The following PACS1 variants were observed in gnomAD, a reference collection of about 807,000 sequenced individuals.
PACS1 encodes PACS-1.
A neutral mutation model predicts 115.0 loss-of-function variants in PACS1; 24 were observed. The ratio of observed to expected loss-of-function variants is 0.21; its 90% CI spans 0.15 to 0.29. PACS1 has a LOEUF of 0.29. PACS1 is among the 10% of genes least tolerant of loss of function. PACS1 has a pLI of 1.00. For missense variants in PACS1, 838 were observed against 1,251.2 expected, an observed-to-expected ratio of 0.67 and a Z score of 4.98; for synonymous variants, 453 against 504.5, an observed-to-expected ratio of 0.90 and a Z score of 1.37.
Position 66,235,520 on chromosome 11 carries a change from C to T in PACS1, c.2207+117C>T. On this transcript the variant is annotated intron_variant, in intron 18 of 23. Transcript: ENST00000320580. This position sits in a 1 kb window ranked among gnomAD's most constrained non-coding sequence, Gnocchi z 5.6. Reference sequence around the variant, plus strand: ...ACATGCTATATTCCTTCATAGGAACCCAAAAGGATATGAGTGGTTTTTACC... The same window carrying T: ...ACATGCTATATTCCTTCATAGGAACTCAAAAGGATATGAGTGGTTTTTACC... The T allele has an allele frequency of 1.3e-6, 1 of 775,614 alleles. No individual in the cohort carries two copies. The highest frequency in any genetic ancestry group is 2.4e-5 in the Admixed American group (1 of 42,318). The allele number at this position is 775,614 out of a possible 1,614,324, so 48.0% of individuals were successfully genotyped here.
At chr11:66,110,948 C>G (rs3825067) in intron 1 of PACS1, among the ~76,000 whole-genome samples, 8 of 152,208 alleles carry the variant, frequency 5.3e-5, no homozygotes, top group Non-Finnish European at 1.0e-4. Context: ...TAAAATTGAT[C>G]TCGGAGTCAC....
At chr11:66,202,519 T>C (rs1054715755) in intron 2 of PACS1, among the ~76,000 whole-genome samples, 2 of 151,732 alleles carry the variant, frequency 1.3e-5, no homozygotes, top group Admixed American at 1.3e-4. Context: ...GCAAGGATGG[T>C]TCAGCATACA....
intron 4 of PACS1, 117 bp from the exon 5 acceptor site, chr11:66,216,002 A>G: frequency 1.3e-6 from 1 of 764,452 alleles, no homozygotes; most frequent in Non-Finnish European, 2.1e-6. Flanking sequence ...ATTTGAAAGT[A>G]AGGAAGAAAA....
At chr11:66,116,195 A>G (rs1212965820) in intron 1 of PACS1, among the ~76,000 whole-genome samples, 5 of 152,216 alleles carry the variant, frequency 3.3e-5, no homozygotes. Flanking sequence ...TAAGCAAAGC[A>G]GCTAAAGCTC....
At chr11:66,121,644 A>G (rs1218872971) in intron 1 of PACS1, among the ~76,000 whole-genome samples, 4 of 152,196 alleles carry the variant, frequency 2.6e-5, no homozygotes, top group Non-Finnish European at 5.9e-5. Flanking sequence ...AAGCAAAACA[A>G]CCTTATTGCT....
chr11:66,088,673 G>A (rs1468017636), intron 1 of PACS1, among the ~76,000 whole-genome samples: 3 of 152,154 alleles, frequency 2.0e-5, no homozygotes, highest in Non-Finnish European at 2.9e-5. Flanking sequence ...GGCCTGTTAC[G>A]TAGTGTGTCT....
chr11:66,132,744 C>G (rs1858732687), intron 1 of PACS1, among the ~76,000 whole-genome samples: 1 of 152,188 alleles, frequency 6.6e-6, no homozygotes, highest in Non-Finnish European at 1.5e-5. Context: ...TCTCTGCTCA[C>G]TGCAACCTCC....
chr11:66,075,838 C>T (rs974715545), intron 1 of PACS1, among the ~76,000 whole-genome samples: 44 of 151,138 alleles, frequency 2.9e-4, no homozygotes, highest in Admixed American at 1.4e-3. Context: ...CCTGGGTTCA[C>T]GCCATTCTCC....
intron 2 of PACS1, among the ~76,000 whole-genome samples, chr11:66,199,876 G>T (rs1395909825): frequency 6.6e-6 from 1 of 151,820 alleles, no homozygotes; most frequent in Admixed American, 6.6e-5. Flanking sequence ...AAAATTAGCT[G>T]GGTGTAGTGG....
At chr11:66,096,502 A>T (rs1436869259) in intron 1 of PACS1, among the ~76,000 whole-genome samples, 10 of 136,888 alleles carry the variant, frequency 7.3e-5, no homozygotes, top group African/African-American at 2.2e-4. Context: ...GTTGCTATGA[A>T]TTTTTTTTTT....
intron 1 of PACS1, among the ~76,000 whole-genome samples, chr11:66,178,337 A>C (rs905984058): frequency 4.6e-5 from 7 of 152,168 alleles, no homozygotes; most frequent in Non-Finnish European, 1.0e-4. Context: ...CTTCATGTAC[A>C]TGGAACCGTA....
chr11:66,153,889 T>G (rs1859299337), intron 1 of PACS1, among the ~76,000 whole-genome samples: 1 of 152,098 alleles, frequency 6.6e-6, no homozygotes, highest in Non-Finnish European at 1.5e-5. Context: ...TGTTGTAAGA[T>G]TTGTACATTT....
chr11:66,100,477 C>A (rs1385554476), intron 1 of PACS1, among the ~76,000 whole-genome samples: 1 of 152,154 alleles, frequency 6.6e-6, no homozygotes, highest in African/African-American at 2.4e-5. Context: ...GGAAAACAGA[C>A]GTGTAAACTT....
intron 4 of PACS1, among the ~76,000 whole-genome samples, chr11:66,211,473 G>C (rs1007380468): frequency 6.6e-6 from 1 of 152,088 alleles, no homozygotes; most frequent in Non-Finnish European, 1.5e-5. Flanking sequence ...TTTTTAAACA[G>C]GTAAAACTCA....
intron 4 of PACS1, among the ~76,000 whole-genome samples, chr11:66,213,495 A>G (rs1003179421): frequency 1.3e-5 from 2 of 152,228 alleles, no homozygotes; most frequent in African/African-American, 2.4e-5. Context: ...AGAAACCAAG[A>G]TCTGGGTACC....
In PACS1 at chr11:66,193,576, G is replaced by A; in HGVS notation, c.444+3G>A. 1 of 1,609,310 alleles carries A rather than the reference G, an allele frequency of 6.2e-7. No homozygotes were observed. On this transcript the variant is annotated splice_donor_region_variant and intron_variant, in intron 2 of 23. Transcript: ENST00000320580. ...TGGTCATCGCTGTGAAGCTGCAGGTGAGTGGGGCAGGACTGTTTGTTCAGG... is the reference window on the plus strand; with the variant it reads ...TGGTCATCGCTGTGAAGCTGCAGGTAAGTGGGGCAGGACTGTTTGTTCAGG...
At chr11:66,221,642 C>CA (rs34313657) in intron 10 of PACS1, 2,295 of 101,530 alleles carry the variant, frequency 0.023, 31 homozygotes, top group African/African-American at 0.043. Flanking sequence ...GAGATTCCCT[C>CA]AAAAAAAAAA....
intron 1 of PACS1, among the ~76,000 whole-genome samples, chr11:66,165,635 C>G (rs1252563945): frequency 2.0e-5 from 3 of 152,156 alleles, no homozygotes; most frequent in Non-Finnish European, 4.4e-5. Context: ...TTAAACAGCA[C>G]CACCATCCAT....
At chr11:66,086,608 C>T (rs981682107) in intron 1 of PACS1, among the ~76,000 whole-genome samples, 2 of 152,112 alleles carry the variant, frequency 1.3e-5, no homozygotes, top group Admixed American at 1.3e-4. Flanking sequence ...AAAACAAAAG[C>T]AAAAACACCT....
Sources: allele counts gnomAD v4.1 joint callset (sites outside exome capture counted in the v4.1 genomes callset), GRCh38; gene constraint gnomAD v4.1.1; non-coding constraint Gnocchi (gnomAD v3.1); transcripts MANE v1.5; gene names NCBI Gene and HGNC (gene_info 2026-07-23, HGNC 2026-07-21).